The following SMOC1 variants were observed in gnomAD, a reference collection of about 807,000 sequenced individuals.
The protein encoded by SMOC1 is SPARC-related modular calcium-binding protein 1.
SMOC1 carries 22 observed loss-of-function variants against 56.3 expected under a neutral mutation model. That is an observed-to-expected ratio of 0.39 (90% CI 0.28 to 0.56). The LOEUF (loss-of-function observed/expected upper bound fraction) is 0.56. Ranked by LOEUF, SMOC1 falls within the 20% of genes least tolerant of loss-of-function variation. SMOC1 has a pLI of 0.61. For missense variants in SMOC1, 509 were observed against 565.4 expected (o/e 0.90, Z 1.01); for synonymous variants, 193 against 215.0 (o/e 0.90, Z 0.89).
chr14:69,923,725 T>C (rs999008819), intron 1 of SMOC1, among the ~76,000 whole-genome samples: 1 of 152,198 alleles, frequency 6.6e-6, no homozygotes, highest in African/African-American at 2.4e-5. Context: ...GTGGTCTCAG[T>C]TGGGTTTTCT....
chr14:70,004,745 C>G (rs1281771542), intron 7 of SMOC1, among the ~76,000 whole-genome samples: 1 of 152,190 alleles, frequency 6.6e-6, no homozygotes, highest in East Asian at 1.9e-4. Context: ...AGATATCTAG[C>G]ACTTGTCCCT....
intron 5 of SMOC1, among the ~76,000 whole-genome samples, chr14:69,986,778 CT>C (rs1169929613): frequency 6.6e-6 from 1 of 152,120 alleles, no homozygotes. Context: ...TGAGAACTGC[CT>C]GCAAAAAGGC....
At chr14:69,980,705 G>A (rs1231787579) in intron 5 of SMOC1, among the ~76,000 whole-genome samples, 3 of 152,198 alleles carry the variant, frequency 2.0e-5, no homozygotes, top group African/African-American at 7.2e-5. Flanking sequence ...AGACACAAAG[G>A]CCCCTTGTCT....
At chr14:69,994,272 T>C in intron 6 of SMOC1, 128 bp from the exon 7 acceptor site, 5 of 797,646 alleles carry the variant, frequency 6.3e-6, no homozygotes, top group South Asian at 1.3e-5. Context: ...GAGGAGTGGA[T>C]GTGGGAGAGA....
intron 1 of SMOC1, among the ~76,000 whole-genome samples, chr14:69,926,693 C>T (rs1312823984): frequency 1.3e-5 from 2 of 152,214 alleles, no homozygotes; most frequent in Non-Finnish European, 2.9e-5. Flanking sequence ...CTCTCTGCTC[C>T]TCACTGGGGC....
chr14:69,964,273 T>TGGGA (rs1210075043), intron 3 of SMOC1, among the ~76,000 whole-genome samples: 1 of 146,696 alleles, frequency 6.8e-6, no homozygotes, highest in Non-Finnish European at 1.5e-5. Context: ...GCAGTGTGCT[T>TGGGA]GGGAGGGAGG....
chr14:70,011,603 T>C, intron 9 of SMOC1, 36 bp downstream of exon 9: 1 of 1,563,108 alleles, frequency 6.4e-7, no homozygotes, highest in Non-Finnish European at 8.8e-7. Flanking sequence ...CGCCATCACC[T>C]CCTTCTGTTC....
intron 6 of SMOC1, among the ~76,000 whole-genome samples, chr14:69,993,891 T>C (rs61977400): frequency 0.058 from 8,870 of 152,244 alleles, 343 homozygotes; most frequent in Non-Finnish European, 0.086. Context: ...TGGCACTCTC[T>C]TGATGGAGGA....
chr14:69,930,804 C>T (rs1304346282), intron 1 of SMOC1, among the ~76,000 whole-genome samples: 1 of 152,210 alleles, frequency 6.6e-6, no homozygotes, highest in Non-Finnish European at 1.5e-5. Context: ...GCTGGGAATG[C>T]AGGGGGTGAC....
In SMOC1 at chr14:69,947,725, G is replaced by A. The variant is rs78285623; in HGVS notation, c.100-4413G>A. Among the ~76,000 whole-genome samples the A allele has an allele frequency of 1.9e-3, 283 of 152,194 alleles. 2 individuals carry two copies. Among genetic ancestry groups the A allele is most frequent in the African/African-American group, 4.2e-3 (174 of 41,502 alleles). On this transcript the variant is annotated intron_variant, in intron 1 of 11. Transcript: ENST00000361956. ...CGGTAGCCTCTAGCCACATGTGGTCGTTTAAACTTAAATTAACTAAAATTA... is the reference window on the plus strand; with the variant it reads ...CGGTAGCCTCTAGCCACATGTGGTCATTTAAACTTAAATTAACTAAAATTA...
chr14:69,911,532 C>T (rs1194240759), intron 1 of SMOC1, among the ~76,000 whole-genome samples: 1 of 152,200 alleles, frequency 6.6e-6, no homozygotes, highest in Non-Finnish European at 1.5e-5. Context: ...TCTACCTTAA[C>T]CCCTGACAAC....
intron 7 of SMOC1, 145 bp downstream of exon 7, chr14:69,994,625 A>G: frequency 2.8e-6 from 2 of 710,894 alleles, no homozygotes. Flanking sequence ...AAGAGATTGG[A>G]TAAGTTAATC....
intron 1 of SMOC1, chr14:69,885,334 G>A (rs749837286): frequency 1.4e-5 from 20 of 1,429,560 alleles, no homozygotes; most frequent in Non-Finnish European, 1.9e-5. Flanking sequence ...ACTCAACAGT[G>A]TACATTTAAC....
chr14:69,978,136 T>C (rs1884037121), intron 5 of SMOC1, 171 bp downstream of exon 5: 1 of 687,078 alleles, frequency 1.5e-6, no homozygotes, highest in African/African-American at 1.8e-5. Flanking sequence ...TAAGTAAGGC[T>C]CATACAGTGA....
intron 5 of SMOC1, among the ~76,000 whole-genome samples, chr14:69,991,689 G>C (rs562680353): frequency 4.0e-4 from 61 of 152,300 alleles, no homozygotes; most frequent in African/African-American, 1.3e-3. Context: ...ATCTATGTTA[G>C]AAATTTCAAA....
At chr14:69,907,525 T>A (rs138929199) in intron 1 of SMOC1, among the ~76,000 whole-genome samples, 2 of 152,330 alleles carry the variant, frequency 1.3e-5, no homozygotes, top group East Asian at 3.9e-4. Context: ...TATCTTGTAA[T>A]GAACCAAGGG....
chr14:69,884,845 T>G (rs1205193294), intron 1 of SMOC1, among the ~76,000 whole-genome samples: 3 of 152,210 alleles, frequency 2.0e-5, no homozygotes, highest in South Asian at 2.1e-4. Flanking sequence ...TTGTAGTTTA[T>G]TTTGAAGTCA....
chr14:69,952,507 C>G (rs554943581), intron 2 of SMOC1, among the ~76,000 whole-genome samples: 1 of 152,318 alleles, frequency 6.6e-6, no homozygotes, highest in African/African-American at 2.4e-5. Context: ...AAACACTGCC[C>G]CCAGGCTAGG....
intron 10 of SMOC1, among the ~76,000 whole-genome samples, chr14:70,014,180 G>T (rs1031260046): frequency 1.3e-5 from 2 of 152,176 alleles, no homozygotes; most frequent in African/African-American, 4.8e-5. Flanking sequence ...TAAGGATGAG[G>T]TATCTGGGGA....
Sources: gnomAD v4.1 joint callset for allele counts (sites outside exome capture counted in the v4.1 genomes callset) on GRCh38, gnomAD v4.1.1 for gene constraint, MANE v1.5 for transcripts, NCBI Gene and HGNC (gene_info 2026-07-23, HGNC 2026-07-21) for gene names.